ERC1: variants seen among roughly 807,000 people sequenced by gnomAD.
The protein encoded by ERC1 is RAB6 interacting protein 2.
A neutral mutation model predicts 132.0 loss-of-function variants in ERC1; 56 were observed. The ratio of observed to expected loss-of-function variants is 0.42; its 90% CI spans 0.34 to 0.53. The LOEUF (loss-of-function observed/expected upper bound fraction) is 0.53, where lower values mean the gene tolerates loss of function less well. ERC1 is among the 20% of genes least tolerant of loss of function. ERC1 has a pLI of 0.03. For missense variants in ERC1, 1,202 were observed against 1,349.9 expected (o/e 0.89, Z 1.72); for synonymous variants, 478 against 476.1 (o/e 1.00, Z -0.05).
At chr12:1,334,267 T>C (rs1312582628) in intron 15 of ERC1, among the ~76,000 whole-genome samples, 1 of 152,270 alleles carries the variant, frequency 6.6e-6, no homozygotes, top group Admixed American at 6.5e-5. Flanking sequence ...TTTGCTTTTG[T>C]TGCAGTTGCT....
intron 11 of ERC1, among the ~76,000 whole-genome samples, chr12:1,187,697 A>G (rs1955258658): frequency 6.6e-6 from 1 of 152,204 alleles, no homozygotes; most frequent in Non-Finnish European, 1.5e-5. Context: ...TTTTAAATCA[A>G]ATGGAAACTA....
chr12:1,296,659 C>G (rs1478824585), intron 15 of ERC1, among the ~76,000 whole-genome samples: 2 of 152,054 alleles, frequency 1.3e-5, no homozygotes, highest in African/African-American at 4.8e-5. Flanking sequence ...GTTGGCCTCC[C>G]AAAGTGCTGG....
chr12:1,022,952 TTTGC>T (rs1387474945), intron 1 of ERC1, among the ~76,000 whole-genome samples: 1 of 152,144 alleles, frequency 6.6e-6, no homozygotes, highest in African/African-American at 2.4e-5. Context: ...CTCTTCCCCC[TTTGC>T]TTGGCACTTC....
At chr12:1,244,526 G>C in intron 13 of ERC1, 1 of 451,408 alleles carries the variant, frequency 2.2e-6, no homozygotes, top group South Asian at 1.6e-5. Flanking sequence ...TTGTTTGTTT[G>C]TTTGTTTGTT....
chr12:1,177,201 T>C (rs1466782748), intron 8 of ERC1, among the ~76,000 whole-genome samples: 1 of 152,190 alleles, frequency 6.6e-6, no homozygotes, highest in Non-Finnish European at 1.5e-5. Flanking sequence ...ACCAGCAAAC[T>C]TTTTCCATAT....
At chr12:1,441,045 AT>A (rs200902129) in intron 17 of ERC1, among the ~76,000 whole-genome samples, 1,901 of 151,892 alleles carry the variant, frequency 0.013, 36 homozygotes, top group African/African-American at 0.043. Flanking sequence ...CATAAAATGC[AT>A]TTAAATCTGT....
intron 12 of ERC1, among the ~76,000 whole-genome samples, chr12:1,203,522 T>C (rs575204759): frequency 3.3e-5 from 5 of 152,338 alleles, no homozygotes; most frequent in Non-Finnish European, 5.9e-5. Flanking sequence ...AAGTACTGAA[T>C]TATACTTTTG....
intron 12 of ERC1, among the ~76,000 whole-genome samples, chr12:1,194,531 A>G (rs1956041405): frequency 6.6e-6 from 1 of 152,198 alleles, no homozygotes; most frequent in African/African-American, 2.4e-5. Context: ...TGTCCATCTT[A>G]GCTGAATGTT....
intron 18 of ERC1, among the ~76,000 whole-genome samples, chr12:1,459,502 G>T (rs192260410): frequency 9.5e-4 from 145 of 152,242 alleles, no homozygotes; most frequent in Middle Eastern, 3.4e-3. Flanking sequence ...ACAAGTAAAT[G>T]GGGGAGAAAG....
intron 3 of ERC1, among the ~76,000 whole-genome samples, chr12:1,098,996 A>G (rs1210897930): frequency 1.3e-5 from 2 of 152,188 alleles, no homozygotes; most frequent in Non-Finnish European, 2.9e-5. Context: ...AGAGAAAACA[A>G]GTGTCTAGGA....
intron 7 of ERC1, among the ~76,000 whole-genome samples, chr12:1,133,635 G>A (rs1409970375): frequency 6.6e-6 from 1 of 152,028 alleles, no homozygotes; most frequent in East Asian, 1.9e-4. Context: ...TTCCCTTTTG[G>A]ACCTTTTTTT....
chr12:1,004,514 C>T (rs1963135812), intron 1 of ERC1, among the ~76,000 whole-genome samples: 1 of 139,714 alleles, frequency 7.2e-6, no homozygotes, highest in Non-Finnish European at 1.5e-5. Context: ...TCAGACAATT[C>T]TCCTGCCTCA....
intron 15 of ERC1, among the ~76,000 whole-genome samples, chr12:1,366,378 T>C (rs1427457441): frequency 6.6e-6 from 1 of 152,218 alleles, no homozygotes; most frequent in Non-Finnish European, 1.5e-5. Flanking sequence ...CAAATGCCTG[T>C]TAATATCATC....
intron 12 of ERC1, among the ~76,000 whole-genome samples, chr12:1,232,434 C>T (rs1303274572): frequency 6.6e-6 from 1 of 152,170 alleles, no homozygotes. Flanking sequence ...CTTGGTAATG[C>T]ACATGCTCAT....
At chr12:1,392,146 G>A (rs1391340852) in intron 16 of ERC1, among the ~76,000 whole-genome samples, 1 of 152,184 alleles carries the variant, frequency 6.6e-6, no homozygotes, top group Non-Finnish European at 1.5e-5. Context: ...ATGGAGATGT[G>A]TAGCGAAGGA....
rs1259626467 is a variant in ERC1, at chr12:1,491,232, G to A, written c.*1002G>A. ...CCTGCCTTGCCAGCACCCGTGTCCT[G>A]AGCTCCTGCAGCCCAGTGGCTGCTG... On this transcript the variant is annotated 3_prime_UTR_variant, in exon 19 of 19. Transcript: ENST00000360905. 4 of 231,452 alleles carry A rather than the reference G, an allele frequency of 1.7e-5. No homozygotes were observed. The highest frequency in any genetic ancestry group is 3.4e-5 in the Non-Finnish European group (4 of 116,974). The allele number at this position is 231,452 out of a possible 1,614,324, so 14.3% of individuals were successfully genotyped here. A position where few individuals can be genotyped will look rare whatever the true frequency, so the allele number is the denominator to read the frequency against.
intron 15 of ERC1, among the ~76,000 whole-genome samples, chr12:1,362,795 G>T (rs1462530385): frequency 6.6e-6 from 1 of 152,182 alleles, no homozygotes; most frequent in African/African-American, 2.4e-5. Flanking sequence ...GGCGGTGACA[G>T]TTGCACAGCA....
chr12:1,163,692 A>T (rs923908297), intron 8 of ERC1, among the ~76,000 whole-genome samples: 2 of 152,058 alleles, frequency 1.3e-5, no homozygotes, highest in East Asian at 3.9e-4. Context: ...GCCTCTGTCT[A>T]CATGGTGGTT....
At chr12:1,005,919 T>C (rs983022361) in intron 1 of ERC1, among the ~76,000 whole-genome samples, 3 of 151,958 alleles carry the variant, frequency 2.0e-5, no homozygotes, top group Non-Finnish European at 4.4e-5. Flanking sequence ...ATTATTACTT[T>C]TTTTTTGAGA....
Sources: gnomAD v4.1 joint callset for allele counts (sites outside exome capture counted in the v4.1 genomes callset) on GRCh38, gnomAD v4.1.1 for gene constraint, MANE v1.5 for transcripts, NCBI Gene and HGNC (gene_info 2026-07-23, HGNC 2026-07-21) for gene names.